SORCS1: variants seen among roughly 807,000 people sequenced by gnomAD.
SORCS1 encodes sortilin related VPS10 domain containing receptor 1, also known as VPS10 domain-containing receptor SorCS1.
SORCS1 carries 60 observed loss-of-function variants against 146.1 expected under a neutral mutation model. That is an observed-to-expected ratio of 0.41 (90% confidence interval 0.33 to 0.51). The LOEUF (loss-of-function observed/expected upper bound fraction) is 0.51. Ranked by LOEUF, SORCS1 falls within the 20% of genes least tolerant of loss-of-function variation. The probability of loss-of-function intolerance (pLI) is 0.21; values close to 1 mark genes in which losing one functional copy is unlikely to be tolerated. For synonymous variants in SORCS1, 637 were observed against 584.0 expected, an observed-to-expected ratio of 1.09 and a Z score of -1.31; for missense variants, 1,352 against 1,487.6, an observed-to-expected ratio of 0.91 and a Z score of 1.50.
intron 23 of SORCS1, among the ~76,000 whole-genome samples, chr10:106,598,754 CT>C (rs1202772213): frequency 6.6e-6 from 1 of 151,878 alleles, no homozygotes; most frequent in African/African-American, 2.4e-5. Context: ...AAAATAACGC[CT>C]TTAATCCCTT....
At chr10:106,834,194 A>G (rs1948687339) in intron 2 of SORCS1, among the ~76,000 whole-genome samples, 1 of 152,198 alleles carries the variant, frequency 6.6e-6, no homozygotes, top group Non-Finnish European at 1.5e-5. Flanking sequence ...TCTCCTATGG[A>G]CATGAGCTCT....
rs146878824 is a variant in SORCS1, at chr10:106,709,032, G to C, written c.1143+191C>G. ...AAAGAAATTCATGACTAGTCTGTTA[G>C]TATAGAAGATTCCACACTCACTAAT... is the stretch of plus-strand genomic sequence containing the variant. On this transcript the variant is annotated intron_variant, in intron 7 of 25. Coordinates refer to ENST00000263054, the MANE Select transcript of SORCS1 (RefSeq NM_052918.5). Among the ~76,000 whole-genome samples, 92 of 152,218 alleles carry C rather than the reference G, an allele frequency of 6.0e-4. 1 individual carries two copies. The East Asian group carries it at 0.017, about 28-fold the overall frequency.
intron 2 of SORCS1, among the ~76,000 whole-genome samples, chr10:106,851,707 A>G (rs889438941): frequency 3.3e-5 from 5 of 152,124 alleles, no homozygotes; most frequent in Admixed American, 3.3e-4. Flanking sequence ...CTCCATATAA[A>G]CTTTAGAATT....
intron 1 of SORCS1, among the ~76,000 whole-genome samples, chr10:107,024,278 G>A (rs1262907012): frequency 6.6e-6 from 1 of 152,104 alleles, no homozygotes; most frequent in Non-Finnish European, 1.5e-5. Context: ...AAGAGAATCA[G>A]GCTGCTTTCA....
chr10:107,143,081 T>C (rs1967980111), intron 1 of SORCS1, among the ~76,000 whole-genome samples: 1 of 152,178 alleles, frequency 6.6e-6, no homozygotes, highest in Non-Finnish European at 1.5e-5. Context: ...TCTATAGTGT[T>C]ATCTTGAGAA....
chr10:106,687,224 T>G (rs1852920720), intron 10 of SORCS1, among the ~76,000 whole-genome samples: 1 of 152,186 alleles, frequency 6.6e-6, no homozygotes, highest in Admixed American at 6.5e-5. Flanking sequence ...AATCTTCCAT[T>G]TATTAATCTA....
intron 2 of SORCS1, among the ~76,000 whole-genome samples, chr10:106,925,843 A>G (rs1191938834): frequency 6.6e-6 from 1 of 152,186 alleles, no homozygotes; most frequent in African/African-American, 2.4e-5. Context: ...GATAAAGCTA[A>G]TGATTTTGGT....
At chr10:106,889,847 T>C (rs567076271) in intron 2 of SORCS1, among the ~76,000 whole-genome samples, 2 of 139,340 alleles carry the variant, frequency 1.4e-5, no homozygotes, top group Non-Finnish European at 1.5e-5. Context: ...ATCGCGCCAC[T>C]GTACTCCAGC....
At chr10:106,935,199 A>G (rs572024172) in intron 2 of SORCS1, among the ~76,000 whole-genome samples, 13 of 152,358 alleles carry the variant, frequency 8.5e-5, no homozygotes, top group Admixed American at 7.2e-4. Context: ...AGCTTTTACA[A>G]TCAGAAGAGC....
At chr10:107,007,055 G>T (rs149626584) in intron 1 of SORCS1, among the ~76,000 whole-genome samples, 67 of 152,254 alleles carry the variant, frequency 4.4e-4, no homozygotes, top group African/African-American at 1.5e-3. Flanking sequence ...CATCTAGTTT[G>T]TTCTCAATTT....
intron 1 of SORCS1, among the ~76,000 whole-genome samples, chr10:107,046,038 C>T (rs568615037): frequency 6.6e-6 from 1 of 151,988 alleles, no homozygotes; most frequent in African/African-American, 2.4e-5. Context: ...CTTCTGCCTC[C>T]CGGGTTCAAG....
chr10:106,773,478 T>G (rs1452610291), intron 4 of SORCS1, among the ~76,000 whole-genome samples: 1 of 152,188 alleles, frequency 6.6e-6, no homozygotes, highest in Non-Finnish European at 1.5e-5. Flanking sequence ...CCACTCCCTA[T>G]TCTGTGATTC....
chr10:106,800,015 T>G (rs951186110), intron 3 of SORCS1, among the ~76,000 whole-genome samples: 14 of 152,172 alleles, frequency 9.2e-5, no homozygotes, highest in African/African-American at 3.4e-4. Context: ...TTGCCACAAA[T>G]GTAACATTTG....
At chr10:107,138,624 T>C (rs1316041290) in intron 1 of SORCS1, among the ~76,000 whole-genome samples, 1 of 152,230 alleles carries the variant, frequency 6.6e-6, no homozygotes, top group African/African-American at 2.4e-5. Flanking sequence ...GAGGACAAAA[T>C]ATCTTCTTTC....
intron 3 of SORCS1, among the ~76,000 whole-genome samples, chr10:106,781,580 CAG>C (rs1860899278): frequency 1.3e-5 from 2 of 152,214 alleles, no homozygotes; most frequent in South Asian, 2.1e-4. Context: ...TTTATTCAAA[CAG>C]AAATATTTCT....
chr10:106,719,365 G>C (rs533345871), intron 6 of SORCS1, among the ~76,000 whole-genome samples: 2 of 152,056 alleles, frequency 1.3e-5, no homozygotes, highest in East Asian at 3.9e-4. Context: ...TCAGAACAGA[G>C]AGACACTGCC....
intron 6 of SORCS1, among the ~76,000 whole-genome samples, chr10:106,720,314 T>C (rs1855692943): frequency 6.6e-6 from 1 of 152,082 alleles, no homozygotes; most frequent in African/African-American, 2.4e-5. Flanking sequence ...GACCTGGCTT[T>C]AAATCCTAAC....
chr10:107,118,364 AACTG>A (rs1755012792), intron 1 of SORCS1, among the ~76,000 whole-genome samples: 2 of 152,204 alleles, frequency 1.3e-5, no homozygotes, highest in South Asian at 2.1e-4. Flanking sequence ...GAGCAGACAA[AACTG>A]ACTAAGACAA....
chr10:106,894,268 T>TGC (rs967902265), intron 2 of SORCS1, among the ~76,000 whole-genome samples: 10 of 110,372 alleles, frequency 9.1e-5, no homozygotes, highest in Non-Finnish European at 1.3e-4. Context: ...CGCGCACGTG[T>TGC]GCGTGTGTGT....
Sources: allele counts gnomAD v4.1 joint callset (sites outside exome capture counted in the v4.1 genomes callset), GRCh38; gene constraint gnomAD v4.1.1; transcripts MANE v1.5; gene names NCBI Gene and HGNC (gene_info 2026-07-23, HGNC 2026-07-21).